UBE2K: variants seen among roughly 807,000 people sequenced by gnomAD.
UBE2K encodes ubiquitin conjugating enzyme E2 K, also known as ubiquitin-conjugating enzyme E2 K.
Under a neutral mutation model 30.0 loss-of-function variants are expected in UBE2K, and 6 were observed. The observed-to-expected ratio is 0.20, with a 90% CI of 0.11 to 0.39. The LOEUF is 0.39. UBE2K is among the 10% of genes least tolerant of loss of function. The pLI is 1.00. For synonymous variants in UBE2K, 86 were observed against 83.7 expected (o/e 1.03, Z -0.15); for missense variants, 61 against 241.6 (o/e 0.25, Z 4.96).
At chr4:39,768,817 GCCGTT>G (rs1435246522) in intron 4 of UBE2K, among the ~76,000 whole-genome samples, 1 of 152,058 alleles carries the variant, frequency 6.6e-6, no homozygotes, top group African/African-American at 2.4e-5. Flanking sequence ...TTTTATAGTA[GCCGTT>G]CTAACGAGTG....
chr4:39,707,891 G>A (rs1233481527), intron 1 of UBE2K, among the ~76,000 whole-genome samples: 1 of 129,158 alleles, frequency 7.7e-6, no homozygotes, highest in Non-Finnish European at 1.7e-5. Flanking sequence ...AAGGAATTCT[G>A]GTAATATTGC....
At chr4:39,733,671 G>T (rs1325152841) in intron 1 of UBE2K, among the ~76,000 whole-genome samples, 1 of 152,080 alleles carries the variant, frequency 6.6e-6, no homozygotes, top group Non-Finnish European at 1.5e-5. Context: ...TAGGGAAAGG[G>T]GAACTATGCT....
chr4:39,703,373 G>C (rs1189837251), intron 1 of UBE2K, among the ~76,000 whole-genome samples: 1 of 151,980 alleles, frequency 6.6e-6, no homozygotes, highest in Admixed American at 6.6e-5. Flanking sequence ...AATCAGCCAG[G>C]CCTGGTGGTA....
intron 1 of UBE2K, among the ~76,000 whole-genome samples, chr4:39,704,756 G>C (rs1718237235): frequency 6.6e-6 from 1 of 151,882 alleles, no homozygotes. Flanking sequence ...TGCCCAGGCT[G>C]GTCTCGAACT....
chr4:39,703,140 A>T (rs1718129411), intron 1 of UBE2K, among the ~76,000 whole-genome samples: 1 of 152,026 alleles, frequency 6.6e-6, no homozygotes, highest in Non-Finnish European at 1.5e-5. Context: ...ACAGGCGCCT[A>T]CTACCATGCC....
Position 39,780,013 on chromosome 4 carries a change from A to G in UBE2K, c.*1579A>G, listed in dbSNP as rs1336767785. On this transcript the variant is annotated 3_prime_UTR_variant, in exon 7 of 7. Transcript: ENST00000261427. ...TATTAAATATATTGTAATGTTAAAG[A>G]TGTGAAGGTTCTTCCAAAAATTTGT... 2 of 152,176 alleles carry G rather than the reference A, an allele frequency of 1.3e-5. No individual in the cohort carries two copies. The highest frequency in any genetic ancestry group is 2.9e-5 in the Non-Finnish European group (2 of 67,998). 9.4% of individuals were successfully genotyped at this position (152,176 alleles called of 1,614,324 possible).
intron 1 of UBE2K, among the ~76,000 whole-genome samples, chr4:39,733,678 T>G (rs1015826804): frequency 6.6e-6 from 1 of 152,216 alleles, no homozygotes; most frequent in African/African-American, 2.4e-5. Flanking sequence ...AGGGGAACTA[T>G]GCTGCTTACT....
At chr4:39,704,977 T>C (rs1718257047) in intron 1 of UBE2K, among the ~76,000 whole-genome samples, 2 of 150,464 alleles carry the variant, frequency 1.3e-5, no homozygotes, top group Non-Finnish European at 1.5e-5. Flanking sequence ...TTCAAGCAAT[T>C]CTCCTGTCTC....
intron 1 of UBE2K, among the ~76,000 whole-genome samples, chr4:39,712,124 G>A (rs1190198026): frequency 2.1e-5 from 3 of 144,594 alleles, no homozygotes; most frequent in East Asian, 2.0e-4. Context: ...ACTTGAAACC[G>A]CCCCCCCTTT....
chr4:39,751,622 C>T (rs1721258819), intron 3 of UBE2K, among the ~76,000 whole-genome samples: 1 of 152,122 alleles, frequency 6.6e-6, no homozygotes, highest in Admixed American at 6.6e-5. Context: ...ATGCAGTGAG[C>T]CGAGATTGCG....
chr4:39,771,016 G>C (rs1712774714), intron 4 of UBE2K: 3 of 1,611,676 alleles, frequency 1.9e-6, no homozygotes, highest in Non-Finnish European at 2.5e-6. Context: ...CACAAGGCTA[G>C]CCTCACGGAC....
intron 1 of UBE2K, among the ~76,000 whole-genome samples, chr4:39,705,694 G>A (rs1035620997): frequency 6.6e-6 from 1 of 152,044 alleles, no homozygotes; most frequent in African/African-American, 2.4e-5. Flanking sequence ...TTGTTGTTTT[G>A]TTTTGTTTTT....
At chr4:39,737,624 G>A (rs983969765) in intron 2 of UBE2K, 111 bp downstream of exon 2, 11 of 678,060 alleles carry the variant, frequency 1.6e-5, no homozygotes, top group Non-Finnish European at 2.4e-5. Context: ...ACTTCATTTG[G>A]TTTAGATAAA....
chr4:39,721,205 A>C (rs1719402763), intron 1 of UBE2K, among the ~76,000 whole-genome samples: 1 of 152,166 alleles, frequency 6.6e-6, no homozygotes, highest in Non-Finnish European at 1.5e-5. Context: ...GAGTTTCTTT[A>C]GTAGGGAAGA....
intron 3 of UBE2K, among the ~76,000 whole-genome samples, chr4:39,749,389 G>A (rs970450666): frequency 1.3e-5 from 2 of 152,134 alleles, no homozygotes; most frequent in African/African-American, 2.4e-5. Flanking sequence ...GGCTGGATGC[G>A]GTGGTTTGCT....
chr4:39,772,564 C>T (rs1055816458), intron 4 of UBE2K, among the ~76,000 whole-genome samples: 4 of 128,728 alleles, frequency 3.1e-5, no homozygotes, highest in Non-Finnish European at 6.7e-5. Context: ...AGCGTGAGAC[C>T]CTATCTCAAA....
intron 4 of UBE2K, chr4:39,770,859 T>G: frequency 1.3e-6 from 2 of 1,542,234 alleles, no homozygotes; most frequent in Non-Finnish European, 1.7e-6. Flanking sequence ...TTCCTCGGCT[T>G]TCAGCTCCAA....
chr4:39,760,656 G>A (rs1711869591), intron 4 of UBE2K, among the ~76,000 whole-genome samples: 1 of 152,182 alleles, frequency 6.6e-6, no homozygotes, highest in Non-Finnish European at 1.5e-5. Context: ...CCAGCACTTT[G>A]GGAGGCCGAG....
At chr4:39,734,478 G>GA (rs1258213613) in intron 1 of UBE2K, among the ~76,000 whole-genome samples, 1 of 151,846 alleles carries the variant, frequency 6.6e-6, no homozygotes, top group Non-Finnish European at 1.5e-5. Flanking sequence ...TCTATAGAGT[G>GA]AAAAAAAGAG....
Sources: gnomAD v4.1 joint callset for allele counts (sites outside exome capture counted in the v4.1 genomes callset) on GRCh38, gnomAD v4.1.1 for gene constraint, MANE v1.5 for transcripts, NCBI Gene and HGNC (gene_info 2026-07-23, HGNC 2026-07-21) for gene names.